Variants in ERBB4 observed in about 807,000 individuals in gnomAD.
ERBB4 encodes the protein erb-b2 receptor tyrosine kinase 4, also known as receptor tyrosine-protein kinase erbB-4.
ERBB4 carries 42 observed loss-of-function variants against 158.0 expected under a neutral mutation model. That is an observed-to-expected ratio of 0.27 (90% CI 0.21 to 0.34). The LOEUF (loss-of-function observed/expected upper bound fraction) is 0.34. Ranked by LOEUF, ERBB4 falls within the 10% of genes least tolerant of loss-of-function variation. ERBB4 has a pLI of 1.00. For synonymous variants in ERBB4, 583 were observed against 558.7 expected (o/e 1.04, Z -0.61); for missense variants, 1,333 against 1,624.1 (o/e 0.82, Z 3.08).
At chr2:211,503,209 A>G (rs1389424966) in intron 20 of ERBB4, among the ~76,000 whole-genome samples, 2 of 152,120 alleles carry the variant, frequency 1.3e-5, no homozygotes, top group East Asian at 3.9e-4. Context: ...GTGGACCCCA[A>G]AAGGCTTCAG....
intron 20 of ERBB4, among the ~76,000 whole-genome samples, chr2:211,467,792 C>T (rs546144366): frequency 6.6e-6 from 1 of 152,290 alleles, no homozygotes; most frequent in South Asian, 2.1e-4. Flanking sequence ...ATGTCTCCTT[C>T]TCCTCCAACC....
chr2:212,521,358 A>G (rs1256093570), intron 1 of ERBB4, among the ~76,000 whole-genome samples: 1 of 151,898 alleles, frequency 6.6e-6, no homozygotes, highest in Non-Finnish European at 1.5e-5. Flanking sequence ...AGAGAGAGCC[A>G]AATTCTTCCT....
chr2:211,764,507 T>C (rs537256451), intron 4 of ERBB4, among the ~76,000 whole-genome samples: 33 of 152,202 alleles, frequency 2.2e-4, no homozygotes, highest in Non-Finnish European at 1.8e-4. Flanking sequence ...TTTTATTATG[T>C]ACAAGGCATG....
chr2:212,490,751 C>A (rs773633279), intron 1 of ERBB4, among the ~76,000 whole-genome samples: 1 of 151,646 alleles, frequency 6.6e-6, no homozygotes, highest in Non-Finnish European at 1.5e-5. Flanking sequence ...CATGTAAAAT[C>A]TTTTCTTGTA....
chr2:211,683,034 T>C (rs1383787939), intron 12 of ERBB4, among the ~76,000 whole-genome samples: 2 of 151,706 alleles, frequency 1.3e-5, no homozygotes, highest in Non-Finnish European at 2.9e-5. Flanking sequence ...TTTCTGCATA[T>C]GTGGCTTATG....
chr2:211,455,379 GC>G (rs2064355105), intron 20 of ERBB4, among the ~76,000 whole-genome samples: 1 of 152,166 alleles, frequency 6.6e-6, no homozygotes, highest in Admixed American at 6.5e-5. Flanking sequence ...TCCATGAGTT[GC>G]CAGGGACAAT....
intron 4 of ERBB4, among the ~76,000 whole-genome samples, chr2:211,753,646 G>A (rs928227010): frequency 5.9e-5 from 9 of 151,684 alleles, no homozygotes; most frequent in African/African-American, 2.2e-4. Context: ...TTCCTTAAAC[G>A]ATGACACGTC....
rs118000735 is a variant in ERBB4 at position 211,586,632 on chromosome 2, T to C, written c.2302-24544A>G. Among the ~76,000 whole-genome samples the C allele has an allele frequency of 1.6e-3, 240 of 152,280 alleles. 7 individuals are homozygous for C. In the East Asian group the frequency reaches 0.039, roughly 25 times the overall value. On this transcript the variant is annotated intron_variant, in intron 19 of 27. Coordinates refer to ENST00000342788, the MANE Select transcript of ERBB4 (RefSeq NM_005235.3). ...TTTTACACATACCCCAGGGAACACA[T>C]GGTGACTGGAAATGTAGGGATTCCT...
intron 3 of ERBB4, among the ~76,000 whole-genome samples, chr2:211,923,546 G>A (rs932191385): frequency 6.6e-6 from 1 of 152,044 alleles, no homozygotes; most frequent in Non-Finnish European, 1.5e-5. Flanking sequence ...TCATGAGATG[G>A]TGTTGGAGAT....
At chr2:211,445,717 AC>A (rs1256969476) in intron 20 of ERBB4, among the ~76,000 whole-genome samples, 4 of 152,182 alleles carry the variant, frequency 2.6e-5, no homozygotes, top group African/African-American at 9.6e-5. Context: ...GATTTGAAGA[AC>A]GGTGGTCCGC....
intron 3 of ERBB4, among the ~76,000 whole-genome samples, chr2:211,871,274 G>A (rs1215957511): frequency 3.9e-5 from 6 of 152,268 alleles, no homozygotes; most frequent in East Asian, 1.9e-4. Flanking sequence ...CAAGGCCAGA[G>A]GATCACTTGA....
intron 2 of ERBB4, among the ~76,000 whole-genome samples, chr2:212,008,285 C>G (rs2076302077): frequency 6.6e-6 from 1 of 151,858 alleles, no homozygotes; most frequent in Non-Finnish European, 1.5e-5. Context: ...TTTGGATTCC[C>G]CTACGACACA....
At chr2:211,810,747 A>ACTGCAAG (rs1482724082) in intron 3 of ERBB4, among the ~76,000 whole-genome samples, 2 of 139,564 alleles carry the variant, frequency 1.4e-5, no homozygotes, top group Non-Finnish European at 3.0e-5. Flanking sequence ...ATCTCGGCTC[A>ACTGCAAG]CTGCAAGCTC....
intron 20 of ERBB4, among the ~76,000 whole-genome samples, chr2:211,478,506 T>C (rs1307675258): frequency 6.6e-6 from 1 of 152,140 alleles, no homozygotes; most frequent in African/African-American, 2.4e-5. Context: ...ACAATTTACA[T>C]CTAAATTTCC....
At chr2:212,207,397 C>G (rs1249636722) in intron 1 of ERBB4, among the ~76,000 whole-genome samples, 1 of 152,124 alleles carries the variant, frequency 6.6e-6, no homozygotes, top group Non-Finnish European at 1.5e-5. Context: ...TATGCATTTG[C>G]AAGCAATAGC....
intron 20 of ERBB4, among the ~76,000 whole-genome samples, chr2:211,533,218 ATTAGT>A (rs1261060351): frequency 2.6e-5 from 4 of 151,924 alleles, no homozygotes; most frequent in African/African-American, 9.7e-5. Context: ...GTATACCATA[ATTAGT>A]TTAAACTATT....
rs1279260687 is a variant in ERBB4 at position 212,293,492 on chromosome 2, CCAT to C, written c.83-168592_83-168590del. The stretch of plus-strand genomic sequence containing the variant: ...CTTATTAAAAATTTATACAAAACAA[CCAT>C]CATCATATACAATTTTCTTCACATC... On this transcript the variant is annotated intron_variant, in intron 1 of 27. Transcript: ENST00000342788. 3.1e-4 allele frequency among the ~76,000 whole-genome samples: 47 copies of C among 151,964 alleles called. 2 individuals are homozygous for C. The highest frequency in any genetic ancestry group is 2.5e-3 in the South Asian group (12 of 4,826).
At chr2:211,405,757 A>G (rs1345657370) in intron 25 of ERBB4, among the ~76,000 whole-genome samples, 1 of 152,196 alleles carries the variant, frequency 6.6e-6, no homozygotes, top group Non-Finnish European at 1.5e-5. Context: ...TGAATCAAGA[A>G]TAATAATGGT....
At chr2:211,732,869 C>T (rs192771187) in intron 5 of ERBB4, among the ~76,000 whole-genome samples, 177 of 152,276 alleles carry the variant, frequency 1.2e-3, no homozygotes, top group Non-Finnish European at 2.0e-3. Context: ...CCCAGCTACT[C>T]AGGAGGCTGA....
Sources: allele counts gnomAD v4.1 joint callset (sites outside exome capture counted in the v4.1 genomes callset), GRCh38; gene constraint gnomAD v4.1.1; transcripts MANE v1.5; gene names NCBI Gene and HGNC (gene_info 2026-07-23, HGNC 2026-07-21).